The following SCFD2 variants were observed in gnomAD, a reference collection of about 807,000 sequenced individuals.
The protein encoded by SCFD2 is sec1 family domain-containing protein 2.
A neutral mutation model predicts 58.9 loss-of-function variants in SCFD2; 54 were observed. The observed-to-expected ratio is 0.92, with a 90% CI of 0.74 to 1.15. The LOEUF is 1.15. Ranked by LOEUF, SCFD2 falls within the 50% of genes most tolerant of loss-of-function variation. The pLI is 0.00. For missense variants in SCFD2, 805 were observed against 836.6 expected, an observed-to-expected ratio of 0.96 and a Z score of 0.47; for synonymous variants, 321 against 335.9, an observed-to-expected ratio of 0.96 and a Z score of 0.49.
intron 5 of SCFD2, among the ~76,000 whole-genome samples, chr4:53,090,365 T>C (rs1404115176): frequency 1.3e-5 from 2 of 152,096 alleles, no homozygotes; most frequent in African/African-American, 2.4e-5. Flanking sequence ...CCAAAAGAGA[T>C]AGAATGGAAA....
intron 4 of SCFD2, among the ~76,000 whole-genome samples, chr4:53,260,079 A>G (rs1730784769): frequency 6.6e-6 from 1 of 151,692 alleles, no homozygotes; most frequent in East Asian, 1.9e-4. Flanking sequence ...CATTAATTTC[A>G]TATCCTGAAA....
intron 5 of SCFD2, among the ~76,000 whole-genome samples, chr4:53,007,912 C>A (rs1722013953): frequency 6.6e-6 from 1 of 152,176 alleles, no homozygotes; most frequent in Non-Finnish European, 1.5e-5. Context: ...GAGCTTCATG[C>A]TGAACAGAGA....
intron 5 of SCFD2, among the ~76,000 whole-genome samples, chr4:53,043,855 A>G (rs897582688): frequency 6.6e-6 from 1 of 152,210 alleles, no homozygotes; most frequent in African/African-American, 2.4e-5. Flanking sequence ...TTCCCAAAGT[A>G]TATTTTCAAA....
In SCFD2 at chr4:53,053,665, C is replaced by G. The variant is rs143965314; in HGVS notation, c.1561+91668G>C. ...ATTGCTCACCTCCATGTTTCTGCAT[C>G]CGCTTTTCCTCTGCCTAGAGAGGAC... On this transcript the variant is annotated intron_variant, in intron 5 of 8. Coordinates refer to ENST00000401642, the MANE Select transcript of SCFD2 (RefSeq NM_152540.4). Among the ~76,000 whole-genome samples, 646 of 152,276 alleles carry G rather than the reference C, an allele frequency of 4.2e-3. 4 individuals carry two copies. The highest frequency in any genetic ancestry group is 0.015 in the African/African-American group (605 of 41,546).
chr4:52,898,794 C>T (rs1410322929), intron 7 of SCFD2, among the ~76,000 whole-genome samples: 9 of 152,126 alleles, frequency 5.9e-5, no homozygotes, highest in Non-Finnish European at 1.2e-4. Flanking sequence ...GTCTAAGTCT[C>T]TTTGTAGGTC....
intron 5 of SCFD2, among the ~76,000 whole-genome samples, chr4:53,130,248 G>A (rs1725749086): frequency 6.6e-6 from 1 of 152,108 alleles, no homozygotes; most frequent in South Asian, 2.1e-4. Context: ...CTGTTTTTAG[G>A]TTTTTAAGAC....
At chr4:53,225,243 T>G (rs4299650) in intron 4 of SCFD2, among the ~76,000 whole-genome samples, 17,215 of 152,218 alleles carry the variant, frequency 0.11, 1,077 homozygotes, top group East Asian at 0.24. Context: ...TGTTTCTGAA[T>G]GAACATGTTA....
chr4:53,157,861 G>T (rs1300453224), intron 4 of SCFD2, among the ~76,000 whole-genome samples: 1 of 152,130 alleles, frequency 6.6e-6, no homozygotes, highest in Non-Finnish European at 1.5e-5. Context: ...CTTCATCTAC[G>T]TTGTTAGAGA....
chr4:52,888,132 G>A (rs35496127), intron 7 of SCFD2, among the ~76,000 whole-genome samples: 7 of 151,824 alleles, frequency 4.6e-5, no homozygotes, highest in African/African-American at 1.2e-4. Context: ...GGATGGTCTC[G>A]ATCTCCTGAC....
intron 5 of SCFD2, among the ~76,000 whole-genome samples, chr4:52,930,220 T>C (rs1308519032): frequency 2.6e-5 from 4 of 152,046 alleles, no homozygotes; most frequent in Admixed American, 2.0e-4. Flanking sequence ...AACCATCTGA[T>C]CCAAATTTGA....
Position 53,348,866 on chromosome 4 carries a change from C to T in SCFD2, c.1007+3732G>A, listed in dbSNP as rs377450358. Among the ~76,000 whole-genome samples the T allele has an allele frequency of 2.4e-4, 36 of 152,186 alleles. 1 individual carries two copies. The East Asian group carries it at 2.7e-3, about 11-fold the overall frequency. On this transcript the variant is annotated intron_variant, in intron 2 of 8. Transcript: ENST00000401642. ...AGTAGCTGGGATTACAGGCATGCGC[C>T]ACCATGCCTGGCTAATTTTTGTATT... is the stretch of plus-strand genomic sequence containing the variant.
At chr4:52,964,566 T>C (rs1720918556) in intron 5 of SCFD2, among the ~76,000 whole-genome samples, 1 of 152,200 alleles carries the variant, frequency 6.6e-6, no homozygotes, top group African/African-American at 2.4e-5. Context: ...GTCTTGAATT[T>C]TGATTTCACT....
intron 3 of SCFD2, among the ~76,000 whole-genome samples, chr4:53,290,736 AAAAT>A (rs1374318340): frequency 1.9e-4 from 29 of 152,204 alleles, no homozygotes; most frequent in African/African-American, 7.0e-4. Flanking sequence ...AGAGAAGACA[AAAAT>A]AAATAAAATC....
chr4:53,330,775 G>T (rs1458673452), intron 2 of SCFD2, among the ~76,000 whole-genome samples: 1 of 152,014 alleles, frequency 6.6e-6, no homozygotes. Flanking sequence ...TGGACTAAAT[G>T]CTCCAATTAA....
At chr4:52,986,323 A>G (rs760833847) in intron 5 of SCFD2, among the ~76,000 whole-genome samples, 1 of 152,074 alleles carries the variant, frequency 6.6e-6, no homozygotes, top group Non-Finnish European at 1.5e-5. Context: ...TAAGAATCTA[A>G]TTCTGCAACG....
At chr4:52,887,018 G>A (rs556845417) in intron 7 of SCFD2, among the ~76,000 whole-genome samples, 1 of 152,252 alleles carries the variant, frequency 6.6e-6, no homozygotes, top group African/African-American at 2.4e-5. Context: ...TTACTTGTTG[G>A]CCATCTTCTC....
intron 5 of SCFD2, among the ~76,000 whole-genome samples, chr4:53,058,896 C>T (rs886624011): frequency 1.4e-4 from 21 of 152,168 alleles, no homozygotes; most frequent in African/African-American, 4.3e-4. Flanking sequence ...CAAGATAAAA[C>T]GAGCCTTTTG....
chr4:53,231,222 A>G (rs1345724823), intron 4 of SCFD2, among the ~76,000 whole-genome samples: 6 of 152,182 alleles, frequency 3.9e-5, no homozygotes, highest in Non-Finnish European at 7.4e-5. Flanking sequence ...TTCAGACCTA[A>G]CAGATGCTCA....
At chr4:53,194,824 C>G (rs1728014160) in intron 4 of SCFD2, among the ~76,000 whole-genome samples, 1 of 152,158 alleles carries the variant, frequency 6.6e-6, no homozygotes, top group African/African-American at 2.4e-5. Context: ...ACCCAGTACA[C>G]ACGAGCGACA....
Sources: allele counts gnomAD v4.1 joint callset (sites outside exome capture counted in the v4.1 genomes callset), GRCh38; gene constraint gnomAD v4.1.1; transcripts MANE v1.5; gene names NCBI Gene and HGNC (gene_info 2026-07-23, HGNC 2026-07-21).